The following SLC4A10 variants were observed in gnomAD, a reference collection of about 807,000 sequenced individuals.
The protein encoded by SLC4A10 is sodium-driven chloride bicarbonate exchanger.
A neutral mutation model predicts 137.7 loss-of-function variants in SLC4A10; 42 were observed. That is an observed-to-expected ratio of 0.30 (90% CI 0.24 to 0.39). The LOEUF is 0.39. Ranked by LOEUF, SLC4A10 falls within the 10% of genes least tolerant of loss-of-function variation. The pLI, the probability that SLC4A10 is intolerant of heterozygous loss-of-function variation, is 1.00. For synonymous variants in SLC4A10, 474 were observed against 464.1 expected, an observed-to-expected ratio of 1.02 and a Z score of -0.27; for missense variants, 925 against 1,355.0, an observed-to-expected ratio of 0.68 and a Z score of 4.98.
At chr2:161,791,885 A>C (rs1198129577) in intron 2 of SLC4A10, among the ~76,000 whole-genome samples, 1 of 152,120 alleles carries the variant, frequency 6.6e-6, no homozygotes, top group Non-Finnish European at 1.5e-5. Context: ...AAATTTGATC[A>C]TGGTTTATTT....
chr2:161,902,988 C>T (rs1412783838), intron 12 of SLC4A10, among the ~76,000 whole-genome samples: 5 of 152,142 alleles, frequency 3.3e-5, no homozygotes, highest in Admixed American at 6.5e-5. Context: ...CATGTAGGAA[C>T]TTATTCATAG....
At chr2:161,654,201 T>A (rs2037200470) in intron 1 of SLC4A10, among the ~76,000 whole-genome samples, 3 of 152,204 alleles carry the variant, frequency 2.0e-5, no homozygotes, top group Admixed American at 6.5e-5. Context: ...CCTCTTCAAG[T>A]CTTTAGCCCA....
At chr2:161,639,056 TACA>T (rs896781758) in intron 1 of SLC4A10, among the ~76,000 whole-genome samples, 1 of 151,966 alleles carries the variant, frequency 6.6e-6, no homozygotes, top group African/African-American at 2.4e-5. Context: ...CCTAGAAACA[TACA>T]ACCTGCCAAG....
At chr2:161,966,096 A>T (rs1697524889) in intron 23 of SLC4A10, among the ~76,000 whole-genome samples, 1 of 152,176 alleles carries the variant, frequency 6.6e-6, no homozygotes, top group African/African-American at 2.4e-5. Flanking sequence ...TGGGGAATTC[A>T]TTTGCAGATG....
chr2:161,834,645 A>C (rs2058645955), intron 3 of SLC4A10, among the ~76,000 whole-genome samples: 1 of 148,932 alleles, frequency 6.7e-6, no homozygotes, highest in Admixed American at 6.7e-5. Flanking sequence ...CATCAGGGAA[A>C]GATCCTTTAT....
At chr2:161,788,569 C>T (rs1180271249) in intron 2 of SLC4A10, among the ~76,000 whole-genome samples, 3 of 152,030 alleles carry the variant, frequency 2.0e-5, no homozygotes, top group Non-Finnish European at 2.9e-5. Context: ...CCTATCACAC[C>T]TTTCTGTCAC....
intron 7 of SLC4A10, among the ~76,000 whole-genome samples, chr2:161,872,664 C>T (rs1482584978): frequency 6.6e-6 from 1 of 151,474 alleles, no homozygotes; most frequent in African/African-American, 2.4e-5. Flanking sequence ...CTGGGCTTCA[C>T]AGGGAATTTA....
chr2:161,966,024 TAGTC>T (rs1200379979), intron 23 of SLC4A10, among the ~76,000 whole-genome samples: 4 of 152,190 alleles, frequency 2.6e-5, no homozygotes, highest in Non-Finnish European at 4.4e-5. Context: ...TCTCTATAAG[TAGTC>T]AGTAAATGTA....
intron 23 of SLC4A10, among the ~76,000 whole-genome samples, chr2:161,966,673 G>T (rs1000462132): frequency 2.6e-5 from 4 of 151,734 alleles, no homozygotes; most frequent in Non-Finnish European, 5.9e-5. Flanking sequence ...CACTTGAACC[G>T]GGAGGTGGAC....
chr2:161,844,163 C>A (rs957583419), intron 4 of SLC4A10, among the ~76,000 whole-genome samples: 21 of 152,054 alleles, frequency 1.4e-4, no homozygotes, highest in African/African-American at 5.1e-4. Flanking sequence ...CTAATGAACT[C>A]AGAAGAGGCA....
intron 12 of SLC4A10, among the ~76,000 whole-genome samples, chr2:161,903,080 T>C (rs1683483840): frequency 2.0e-5 from 3 of 152,186 alleles, no homozygotes. Flanking sequence ...GTATTGTTAT[T>C]AAATGTTCAT....
rs1700615217 is a variant in SLC4A10, at chr2:161,984,667, A to G, written c.*1515A>G. On this transcript the variant is annotated 3_prime_UTR_variant, in exon 27 of 27. Coordinates refer to ENST00000446997, the MANE Select transcript of SLC4A10 (RefSeq NM_001178015.2). Reference sequence around the variant, plus strand: ...AGACCTTTTAAAAATTCCCCTCACAATTCTTTAAGGAGCCCCCCTTTTTAT... The same window carrying G: ...AGACCTTTTAAAAATTCCCCTCACAGTTCTTTAAGGAGCCCCCCTTTTTAT... 5 of 152,224 alleles carry G rather than the reference A, an allele frequency of 3.3e-5. No individual in the cohort carries two copies. In the South Asian group the frequency reaches 1.0e-3, roughly 32 times the overall value. The allele number at this position is 152,224 out of a possible 1,614,324, so 9.4% of individuals were successfully genotyped here. A position where few individuals can be genotyped will look rare whatever the true frequency, so the allele number is the denominator to read the frequency against.
intron 15 of SLC4A10, among the ~76,000 whole-genome samples, chr2:161,918,832 C>T (rs1687601049): frequency 6.6e-6 from 1 of 152,148 alleles, no homozygotes; most frequent in Non-Finnish European, 1.5e-5. Context: ...AGGGGAGCTG[C>T]ATGCTCTGTG....
At chr2:161,846,072 A>C (rs1055709266) in intron 4 of SLC4A10, among the ~76,000 whole-genome samples, 1 of 152,152 alleles carries the variant, frequency 6.6e-6, no homozygotes. Flanking sequence ...TGTAAACCAG[A>C]TATTCAACAA....
At chr2:161,896,810 T>C (rs2063554931) in intron 11 of SLC4A10, among the ~76,000 whole-genome samples, 1 of 152,096 alleles carries the variant, frequency 6.6e-6, no homozygotes. Context: ...ACTTGGCAGT[T>C]TGATGACAAC....
chr2:161,696,411 C>T (rs1257965435), intron 1 of SLC4A10, among the ~76,000 whole-genome samples: 2 of 146,752 alleles, frequency 1.4e-5, no homozygotes, highest in Non-Finnish European at 3.0e-5. Flanking sequence ...CCCATTAACT[C>T]GTCATTTAGC....
intron 23 of SLC4A10, among the ~76,000 whole-genome samples, chr2:161,970,135 A>G (rs1256523868): frequency 2.0e-5 from 3 of 152,204 alleles, no homozygotes; most frequent in Admixed American, 2.0e-4. Flanking sequence ...TCCTAAAACC[A>G]CAGAATAAAA....
intron 2 of SLC4A10, among the ~76,000 whole-genome samples, chr2:161,788,400 A>T (rs533116045): frequency 2.4e-4 from 36 of 152,000 alleles, no homozygotes; most frequent in African/African-American, 8.7e-4. Context: ...TAAGAGTAAG[A>T]ATCCACTCAC....
At chr2:161,824,289 A>G (rs1306535057) in intron 3 of SLC4A10, among the ~76,000 whole-genome samples, 1 of 152,190 alleles carries the variant, frequency 6.6e-6, no homozygotes, top group Admixed American at 6.5e-5. Flanking sequence ...AGAGAACCCC[A>G]ATAGAGAAGA....
Sources: gnomAD v4.1 joint callset for allele counts (sites outside exome capture counted in the v4.1 genomes callset) on GRCh38, gnomAD v4.1.1 for gene constraint, MANE v1.5 for transcripts, NCBI Gene and HGNC (gene_info 2026-07-23, HGNC 2026-07-21) for gene names.